Variants in JPH3 observed in about 807,000 individuals in gnomAD.
The protein encoded by JPH3 is junctophilin-3.
JPH3 carries 11 observed loss-of-function variants against 59.6 expected under a neutral mutation model. The ratio of observed to expected loss-of-function variants is 0.18; its 90% confidence interval spans 0.12 to 0.31. The LOEUF (loss-of-function observed/expected upper bound fraction) is 0.31. Ranked by LOEUF, JPH3 falls within the 10% of genes least tolerant of loss-of-function variation. JPH3 has a pLI of 1.00. For missense variants in JPH3, 1,202 were observed against 1,105.7 expected, an observed-to-expected ratio of 1.09 and a Z score of -1.24; for synonymous variants, 673 against 483.6, an observed-to-expected ratio of 1.39 and a Z score of -5.14.
At position 87,644,762 on chromosome 16, in the gene JPH3, A is replaced by G. The variant is rs748340460; in HGVS notation, c.887A>G (p.Lys296Arg). 1 of 1,612,794 alleles carries G rather than the reference A, an allele frequency of 6.2e-7. No individual in the cohort carries two copies. Among genetic ancestry groups the G allele is most frequent in the Non-Finnish European group, 8.5e-7 (1 of 1,179,870 alleles). ...ETYVGEWKND[K>R]RSGFGVSQRS... Reference sequence around the variant, plus strand: ...TACGTGGGCGAGTGGAAGAACGACAAACGCTCCGGCTTCGGCGTGAGCCAG... The same window carrying G: ...TACGTGGGCGAGTGGAAGAACGACAGACGCTCCGGCTTCGGCGTGAGCCAG... The change falls in exon 2 of 5, where the codon AAA (lysine) becomes AGA (arginine). Residue 296 changes from lysine to arginine, a missense_variant. Lys to Arg is a conservative substitution (Grantham distance 26, BLOSUM62 2). Transcript: ENST00000284262.
chr16:87,681,136 G>A (rs992914989), intron 2 of JPH3, among the ~76,000 whole-genome samples: 1 of 151,016 alleles, frequency 6.6e-6, no homozygotes, highest in Non-Finnish European at 1.5e-5. Flanking sequence ...AGGTGCGCGC[G>A]GTGATGACAG....
chr16:87,618,394 A>G (rs1383213722), intron 1 of JPH3, among the ~76,000 whole-genome samples: 1 of 152,156 alleles, frequency 6.6e-6, no homozygotes, highest in Non-Finnish European at 1.5e-5. Flanking sequence ...ATGAGGACAC[A>G]ACACTGGCCT....
At chr16:87,622,334 G>A (rs972693563) in intron 1 of JPH3, among the ~76,000 whole-genome samples, 6 of 152,212 alleles carry the variant, frequency 3.9e-5, no homozygotes, top group Non-Finnish European at 7.3e-5. Flanking sequence ...GCTTCCCAGG[G>A]GGCACCCAAG....
intron 3 of JPH3, 53 bp downstream of exon 3, chr16:87,684,319 G>T: frequency 6.3e-7 from 1 of 1,599,264 alleles, no homozygotes; most frequent in Non-Finnish European, 8.5e-7. Flanking sequence ...TGCGTGGATG[G>T]CTGGGCAGTC....
chr16:87,693,012 C>G (rs1305148047), intron 4 of JPH3, among the ~76,000 whole-genome samples: 5 of 152,226 alleles, frequency 3.3e-5, no homozygotes, highest in Non-Finnish European at 5.9e-5. Flanking sequence ...CAGGGCTGGG[C>G]CCTTGGCTGT....
At chr16:87,673,912 C>T (rs369832763) in intron 2 of JPH3, among the ~76,000 whole-genome samples, 7 of 150,708 alleles carry the variant, frequency 4.6e-5, no homozygotes, top group East Asian at 3.9e-4. Context: ...GGTGACACAG[C>T]GAGACTCTGT....
In JPH3 at chr16:87,669,507, C is replaced by G. The variant is rs573287592; in HGVS notation, c.1161-14635C>G. Reference sequence around the variant, plus strand: ...ACACGTTGCCTGGCAGCCTCTGAGCCTCAGTGTGCTTCTGTGAATTGGGGT... The same window carrying G: ...ACACGTTGCCTGGCAGCCTCTGAGCGTCAGTGTGCTTCTGTGAATTGGGGT... On this transcript the variant is annotated intron_variant, in intron 2 of 4. Coordinates refer to ENST00000284262, the MANE Select transcript of JPH3 (RefSeq NM_020655.4). 3.9e-5 allele frequency among the ~76,000 whole-genome samples: 6 copies of G among 152,366 alleles called. No individual in the cohort carries two copies. In the South Asian group the frequency reaches 8.3e-4, roughly 21 times the overall value.
chr16:87,624,571 G>T (rs2031302555), intron 1 of JPH3, among the ~76,000 whole-genome samples: 1 of 152,238 alleles, frequency 6.6e-6, no homozygotes. Context: ...TGGCTCATGG[G>T]TGGAAACAGC....
chr16:87,681,861 G>A (rs1408615304), intron 2 of JPH3, among the ~76,000 whole-genome samples: 1 of 152,208 alleles, frequency 6.6e-6, no homozygotes, highest in Non-Finnish European at 1.5e-5. Flanking sequence ...AGTGTCCTGG[G>A]TGCTGCAGCA....
chr16:87,646,131 G>T (rs1396612461), intron 2 of JPH3, among the ~76,000 whole-genome samples: 1 of 152,228 alleles, frequency 6.6e-6, no homozygotes, highest in African/African-American at 2.4e-5. Context: ...TGTGTTCTCA[G>T]CCAGGGGCAG....
At chr16:87,640,361 G>A (rs2031906470) in intron 1 of JPH3, among the ~76,000 whole-genome samples, 1 of 151,532 alleles carries the variant, frequency 6.6e-6, no homozygotes, top group African/African-American at 2.4e-5. Context: ...ACCTGTGCAT[G>A]CCAGGTAATC....
At chr16:87,674,229 G>C (rs1285360335) in intron 2 of JPH3, among the ~76,000 whole-genome samples, 2 of 152,176 alleles carry the variant, frequency 1.3e-5, no homozygotes, top group African/African-American at 4.8e-5. Flanking sequence ...AGCTACTCGG[G>C]AGTGTGAGGC....
At chr16:87,605,152 T>A (rs1446909546) in intron 1 of JPH3, among the ~76,000 whole-genome samples, 1 of 152,082 alleles carries the variant, frequency 6.6e-6, no homozygotes, top group African/African-American at 2.4e-5. Flanking sequence ...CCAGAGGTGC[T>A]CCTGGCTGAG....
Position 87,655,238 on chromosome 16 carries a change from C to G in JPH3, c.1160+10203C>G, listed in dbSNP as rs113898854. On this transcript the variant is annotated intron_variant, in intron 2 of 4. Transcript: ENST00000284262. ...GGGCCCTTGGGCTGCATATTCGAGGCGCGCAGCCTGCCAGGCCCTCCGGCC... is the reference window on the plus strand; with the variant it reads ...GGGCCCTTGGGCTGCATATTCGAGGGGCGCAGCCTGCCAGGCCCTCCGGCC... Among the ~76,000 whole-genome samples, 1,030 of 152,370 alleles carry G rather than the reference C, an allele frequency of 6.8e-3. 12 individuals are homozygous for G. The highest frequency in any genetic ancestry group is 0.023 in the African/African-American group (974 of 41,590).
chr16:87,611,301 G>A lies in JPH3; in HGVS notation c.382+7773G>A, dbSNP rs1337714381. 6.6e-6 allele frequency among the ~76,000 whole-genome samples: 1 copy of A among 152,184 alleles called. No homozygotes were observed. Among genetic ancestry groups the A allele is most frequent in the Non-Finnish European group, 1.5e-5 (1 of 68,038 alleles). Reference sequence around the variant, plus strand: ...AGGGACCTGAGGAGGGGCAGGGCAGGTGTGTGTGTCCCTGAAGGAGCGGCA... The same window carrying A: ...AGGGACCTGAGGAGGGGCAGGGCAGATGTGTGTGTCCCTGAAGGAGCGGCA... On this transcript the variant is annotated intron_variant, in intron 1 of 4. Transcript: ENST00000284262. This position sits in a 1 kb window ranked among gnomAD's most constrained non-coding sequence, Gnocchi z 4.5.
At chr16:87,605,908 T>C (rs1485919120) in intron 1 of JPH3, among the ~76,000 whole-genome samples, 1 of 152,216 alleles carries the variant, frequency 6.6e-6, no homozygotes, top group Non-Finnish European at 1.5e-5. Context: ...GGGATGCAGA[T>C]GGGGAGCTTC....
intron 1 of JPH3, among the ~76,000 whole-genome samples, chr16:87,643,438 C>G (rs576820413): frequency 6.7e-6 from 1 of 149,558 alleles, no homozygotes; most frequent in South Asian, 2.3e-4. Context: ...GGTCATGGGC[C>G]ACTGTCCCTT....
At chr16:87,663,955 G>C (rs1427914164) in intron 2 of JPH3, among the ~76,000 whole-genome samples, 3 of 152,304 alleles carry the variant, frequency 2.0e-5, no homozygotes, top group Non-Finnish European at 4.4e-5. Flanking sequence ...ACGTCGAGTT[G>C]TGGTGGAATC....
At chr16:87,640,599 G>C (rs961987026) in intron 1 of JPH3, among the ~76,000 whole-genome samples, 2 of 151,916 alleles carry the variant, frequency 1.3e-5, no homozygotes, top group African/African-American at 4.8e-5. Context: ...CACTATGTTG[G>C]CCAGCGTGGT....
Sources: allele counts gnomAD v4.1 joint callset (sites outside exome capture counted in the v4.1 genomes callset), GRCh38; gene constraint gnomAD v4.1.1; non-coding constraint Gnocchi (gnomAD v3.1); transcripts MANE v1.5; gene names NCBI Gene and HGNC (gene_info 2026-07-23, HGNC 2026-07-21).